The following AFF1 variants were observed in gnomAD, a reference collection of about 807,000 sequenced individuals.
AFF1 encodes ALF transcription elongation factor 1.
AFF1 carries 48 observed loss-of-function variants against 121.7 expected under a neutral mutation model. The observed-to-expected ratio is 0.39, with a 90% CI of 0.31 to 0.50. AFF1 has a LOEUF of 0.50. AFF1 is among the 20% of genes least tolerant of loss of function. The pLI is 0.76. For synonymous variants in AFF1, 613 were observed against 563.0 expected (o/e 1.09, Z -1.26); for missense variants, 1,523 against 1,511.7 (o/e 1.01, Z -0.12).
At chr4:86,998,916 A>G (rs998261468) in intron 2 of AFF1, among the ~76,000 whole-genome samples, 1 of 152,214 alleles carries the variant, frequency 6.6e-6, no homozygotes, top group East Asian at 1.9e-4. Flanking sequence ...TGTGGAGAAC[A>G]AGCCAGGAAA....
chr4:87,012,578 G>A (rs1726887960), intron 2 of AFF1, among the ~76,000 whole-genome samples: 1 of 152,118 alleles, frequency 6.6e-6, no homozygotes, highest in Admixed American at 6.5e-5. Context: ...AGCTGAAGTA[G>A]TATTTTCTGT....
At chr4:87,110,000 C>G (rs551892416) in intron 11 of AFF1, among the ~76,000 whole-genome samples, 1 of 152,152 alleles carries the variant, frequency 6.6e-6, no homozygotes, top group East Asian at 1.9e-4. Flanking sequence ...CATCTCTTTC[C>G]TTTTACAATA....
intron 2 of AFF1, among the ~76,000 whole-genome samples, chr4:87,039,994 C>T (rs998619499): frequency 3.9e-5 from 6 of 151,944 alleles, no homozygotes; most frequent in African/African-American, 4.8e-5. Context: ...CGAGATCTAG[C>T]GATTCTCCTG....
intron 2 of AFF1, among the ~76,000 whole-genome samples, chr4:87,023,966 G>A (rs931742088): frequency 2.4e-4 from 37 of 152,244 alleles, no homozygotes; most frequent in African/African-American, 8.7e-4. Context: ...GCACTTTTAA[G>A]GACAGAGGAT....
chr4:87,122,959 A>G (rs945729412), intron 12 of AFF1, among the ~76,000 whole-genome samples: 1 of 150,182 alleles, frequency 6.7e-6, no homozygotes, highest in Non-Finnish European at 1.5e-5. Context: ...CAGTGGCGCA[A>G]TCTCAGCTCA....
chr4:87,089,903 A>T, intron 5 of AFF1, 81 bp from the exon 6 acceptor site: 1 of 1,056,430 alleles, frequency 9.5e-7, no homozygotes, highest in Non-Finnish European at 1.4e-6. Context: ...AATCCATTCT[A>T]CATTAAGTTC....
At chr4:86,990,067 C>A (rs1467091226) in intron 2 of AFF1, among the ~76,000 whole-genome samples, 5 of 151,978 alleles carry the variant, frequency 3.3e-5, no homozygotes, top group Non-Finnish European at 7.4e-5. Context: ...AGGAGAAATA[C>A]CCAATGTAGA....
intron 2 of AFF1, among the ~76,000 whole-genome samples, chr4:87,033,782 T>C (rs1364064268): frequency 6.6e-6 from 1 of 152,186 alleles, no homozygotes; most frequent in Non-Finnish European, 1.5e-5. Flanking sequence ...TAGAGAATGT[T>C]CTTCATAACT....
At chr4:86,960,231 T>TA (rs1722051419) in intron 2 of AFF1, among the ~76,000 whole-genome samples, 1 of 152,184 alleles carries the variant, frequency 6.6e-6, no homozygotes, top group Non-Finnish European at 1.5e-5. Flanking sequence ...CTGCCGCTGT[T>TA]ACCCAGGATT....
In AFF1 at chr4:87,115,272, C is replaced by A; in HGVS notation, c.2439C>A (p.Ser813Arg). 6.2e-7 allele frequency: 1 copy of A among 1,609,372 alleles called. No individual in the cohort carries two copies. The highest frequency in any genetic ancestry group is 8.5e-7 in the Non-Finnish European group (1 of 1,177,566). ...GCTCTGAGAAGAGGAGCTCAGACAG[C>A]TCAAGCAAGTTGGCCAAAAAGAGAA... ...KHSSEKRSSD[S>R]SSKLAKKRKG... Residue 813 changes from serine to arginine, a missense_variant, in exon 12 of 21, where the codon AGC (serine) becomes AGA (arginine). Transcript: ENST00000395146.
At chr4:87,018,182 A>G (rs923800381) in intron 2 of AFF1, among the ~76,000 whole-genome samples, 3 of 152,242 alleles carry the variant, frequency 2.0e-5, no homozygotes, top group Admixed American at 6.5e-5. Context: ...TGAGTACTTC[A>G]TTGTTCACTA....
intron 1 of AFF1, among the ~76,000 whole-genome samples, chr4:86,938,127 A>G (rs1399069110): frequency 6.6e-6 from 1 of 152,178 alleles, no homozygotes; most frequent in East Asian, 1.9e-4. Context: ...GGAGATTGAG[A>G]AAGTATGTTA....
rs139935700 is a variant in AFF1 at position 87,028,162 on chromosome 4, T to C, written c.39-18004T>C. ...ATACCCAGTCTGTATTAACATTTTATTTTACTTGCATTACCATATATTCAT... is the reference window on the plus strand; with the variant it reads ...ATACCCAGTCTGTATTAACATTTTACTTTACTTGCATTACCATATATTCAT... On this transcript the variant is annotated intron_variant, in intron 2 of 20. Transcript: ENST00000395146. 6.6e-3 allele frequency among the ~76,000 whole-genome samples: 998 copies of C among 152,312 alleles called. 5 individuals carry two copies. The highest frequency in any genetic ancestry group is 0.011 in the Non-Finnish European group (741 of 68,036).
At chr4:87,127,967 A>C (rs1290174145) in intron 16 of AFF1, among the ~76,000 whole-genome samples, 1 of 152,214 alleles carries the variant, frequency 6.6e-6, no homozygotes, top group Non-Finnish European at 1.5e-5. Context: ...CAGTCTGATC[A>C]TGGGCAGATA....
chr4:87,047,102 C>T lies in AFF1; in HGVS notation c.567C>T (p.Asp189=), dbSNP rs143673312. 46 of 1,614,174 alleles carry T rather than the reference C, an allele frequency of 2.8e-5. No individual in the cohort carries two copies. The East Asian group carries it at 3.6e-4, about 13-fold the overall frequency. Residue 189 remains aspartate (D), a synonymous_variant, in exon 4 of 21, where the codon GAC becomes GAT. Coordinates refer to ENST00000395146, the MANE Select transcript of AFF1 (RefSeq NM_001166693.3). ...ACAAGAAAGGTGACCGAAGAGCTGA[C>T]GGAGACCACTGTGCTTCGGTGACAG... The part of the protein sequence containing the change: ...SHHKKGDRRA[D]GDHCASVTDS...
intron 2 of AFF1, among the ~76,000 whole-genome samples, chr4:86,978,389 G>A (rs1490111520): frequency 6.6e-6 from 1 of 151,166 alleles, no homozygotes; most frequent in African/African-American, 2.4e-5. Flanking sequence ...TCACCATATT[G>A]GTCAGGCTGG....
At chr4:86,955,633 A>G (rs1721680289) in intron 2 of AFF1, among the ~76,000 whole-genome samples, 1 of 152,180 alleles carries the variant, frequency 6.6e-6, no homozygotes, top group Non-Finnish European at 1.5e-5. Flanking sequence ...GAAATTTTTT[A>G]CTTGAGGACA....
chr4:87,015,902 C>G (rs954702355), intron 2 of AFF1, among the ~76,000 whole-genome samples: 1 of 152,334 alleles, frequency 6.6e-6, no homozygotes, highest in African/African-American at 2.4e-5. Flanking sequence ...ATGAAGAAGT[C>G]GGGCGTGGTC....
At chr4:87,006,216 C>T (rs1041876745) in intron 2 of AFF1, among the ~76,000 whole-genome samples, 2 of 152,154 alleles carry the variant, frequency 1.3e-5, no homozygotes, top group African/African-American at 4.8e-5. Flanking sequence ...GGCAGTTATT[C>T]AGTATTCATC....
Sources: gnomAD v4.1 joint callset for allele counts (sites outside exome capture counted in the v4.1 genomes callset) on GRCh38, gnomAD v4.1.1 for gene constraint, MANE v1.5 for transcripts, NCBI Gene and HGNC (gene_info 2026-07-23, HGNC 2026-07-21) for gene names.